The following NDUFAF1 variants were observed in gnomAD, a reference collection of about 807,000 sequenced individuals.
NDUFAF1 encodes the protein NADH:ubiquinone oxidoreductase complex assembly factor 1, also known as complex I intermediate-associated protein 30, mitochondrial.
Under a neutral mutation model 28.7 loss-of-function variants are expected in NDUFAF1, and 18 were observed. The observed-to-expected ratio is 0.63, with a 90% CI of 0.43 to 0.93. The LOEUF (loss-of-function observed/expected upper bound fraction) is 0.93. Ranked by LOEUF, NDUFAF1 falls within the 40% of genes least tolerant of loss-of-function variation. NDUFAF1 has a pLI of 0.00. For missense variants in NDUFAF1, 404 were observed against 398.3 expected, an observed-to-expected ratio of 1.01 and a Z score of -0.12; for synonymous variants, 113 against 139.7, an observed-to-expected ratio of 0.81 and a Z score of 1.35.
chr15:41,401,942 T>G (rs1334941201), intron 1 of NDUFAF1, among the ~76,000 whole-genome samples: 1 of 152,186 alleles, frequency 6.6e-6, no homozygotes, highest in Non-Finnish European at 1.5e-5. Context: ...CATAAAATGT[T>G]TTCCAAACCC....
rs749718737 is a variant in NDUFAF1, at chr15:41,388,468, G to A, written c.814C>T (p.His272Tyr). 3.7e-6 allele frequency: 6 copies of A among 1,612,582 alleles called. No homozygotes were observed. The highest frequency in any genetic ancestry group is 4.2e-6 in the Non-Finnish European group (5 of 1,178,732). ...SNRGRIRDVQ[H>Y]ELPLDKISSI... ...GTTACCTTATCAAGCGGAAGCTCAT[G>A]CTGAACATCCCGGATTCTTCCTCGA... Residue 272 changes from histidine (H) to tyrosine (Y), a missense_variant, in exon 4 of 5, where the codon CAT becomes TAT. Coordinates refer to ENST00000260361, the MANE Select transcript of NDUFAF1 (RefSeq NM_016013.4).
At chr15:41,400,688 A>ATTTTTTTTTT (rs58010983) in intron 1 of NDUFAF1, among the ~76,000 whole-genome samples, 4 of 97,822 alleles carry the variant, frequency 4.1e-5, no homozygotes, top group African/African-American at 4.3e-5. Context: ...ATGCCCAGCT[A>ATTTTTTTTTT]TTTTTTTTTT....
intron 3 of NDUFAF1, among the ~76,000 whole-genome samples, chr15:41,393,096 A>G (rs2050334216): frequency 6.7e-6 from 1 of 150,300 alleles, no homozygotes; most frequent in Admixed American, 6.6e-5. Context: ...ATATGACATG[A>G]GCAAAATGGG....
chr15:41,393,996 A>T (rs866954790), intron 3 of NDUFAF1: 1 of 275,468 alleles, frequency 3.6e-6, no homozygotes, highest in South Asian at 3.1e-5. Flanking sequence ...GACATGAGCC[A>T]CCACGCCTGG....
chr15:41,401,473 C>T (rs1158341235), intron 1 of NDUFAF1, among the ~76,000 whole-genome samples: 8 of 150,948 alleles, frequency 5.3e-5, no homozygotes, highest in African/African-American at 1.9e-4. Context: ...CCAGCTCTGT[C>T]CCCCAAGTTG....
intron 4 of NDUFAF1, 36 bp downstream of exon 4, chr15:41,388,412 A>G (rs1236245401): frequency 6.8e-7 from 1 of 1,478,348 alleles, no homozygotes; most frequent in South Asian, 1.1e-5. Context: ...ATTAAAAATG[A>G]TACAGTTCTG....
At chr15:41,396,423 G>T in intron 2 of NDUFAF1, 64 bp downstream of exon 2, 1 of 1,495,060 alleles carries the variant, frequency 6.7e-7, no homozygotes, top group Non-Finnish European at 9.3e-7. Context: ...ATCTTCTATA[G>T]TTTATGCTAC....
rs532756788 is a variant in NDUFAF1, at chr15:41,392,262, C to G, written c.759+2597G>C. On this transcript the variant is annotated intron_variant, in intron 3 of 4. Transcript: ENST00000260361. ...TAATTTTTTGTATTTTTAGTAGACA[C>G]AAGATTTCACCATGTAGACCAGGCT... Among the ~76,000 whole-genome samples the G allele has an allele frequency of 2.5e-4, 38 of 152,016 alleles. No individual in the cohort carries two copies. In the East Asian group the frequency reaches 7.4e-3, roughly 29 times the overall value.
In NDUFAF1 at chr15:41,397,056, C is replaced by T; in HGVS notation, c.4G>A (p.Ala2Thr). Residue 2 changes from alanine to threonine, a missense_variant, in exon 2 of 5, where the codon GCT (alanine) becomes ACT (threonine). Coordinates refer to ENST00000260361, the MANE Select transcript of NDUFAF1 (RefSeq NM_016013.4). ...CCACGCAGCAATTTGTGAACCAAAG[C>T]CATGGTACAAAAAAATCAAAATGTA... is the stretch of plus-strand genomic sequence containing the variant. M[A>T]LVHKLLRGTY... The T allele has an allele frequency of 1.2e-6, 2 of 1,613,004 alleles. No individual in the cohort carries two copies. Among genetic ancestry groups the T allele is most frequent in the Non-Finnish European group, 8.5e-7 (1 of 1,179,798 alleles).
At chr15:41,397,571 G>A (rs563792995) in intron 1 of NDUFAF1, among the ~76,000 whole-genome samples, 73 of 152,182 alleles carry the variant, frequency 4.8e-4, no homozygotes, top group African/African-American at 1.5e-3. Context: ...AGGCCGAGGC[G>A]GGTGGATCAC....
At chr15:41,395,129 A>G (rs566514074) in intron 2 of NDUFAF1, 85 bp from the exon 3 acceptor site, 1 of 1,259,544 alleles carries the variant, frequency 7.9e-7, no homozygotes, top group South Asian at 1.3e-5. Flanking sequence ...CATCATCAAC[A>G]GGATGCACTA....
intron 3 of NDUFAF1, among the ~76,000 whole-genome samples, chr15:41,389,714 A>T (rs2050294783): frequency 6.6e-6 from 1 of 152,138 alleles, no homozygotes; most frequent in Non-Finnish European, 1.5e-5. Context: ...TTGGGGCTAC[A>T]GCGAGCCCAT....
rs376344575 is a variant in NDUFAF1, at chr15:41,394,885, C to G, written c.733G>C (p.Gly245Arg). 1.2e-6 allele frequency: 2 copies of G among 1,613,868 alleles called. No individual in the cohort carries two copies. The highest frequency in any genetic ancestry group is 1.3e-5 in the African/African-American group (1 of 74,850). The change falls in exon 3 of 5, where the codon GGG (glycine) becomes CGG (arginine). Residue 245 changes from glycine to arginine, a missense_variant. Physicochemically the swap from Gly to Arg is moderately radical, Grantham distance 125 (BLOSUM62 -2). Transcript: ENST00000260361. ...TTGACCTCCTGCCAGTAGGGTCCCC[C>G]GCGGGTGAACATGAAGTAACTATAC... Reference protein sequence around the residue: ...QMYSYFMFTRGGPYWQEVKIP... With the variant: ...QMYSYFMFTRRGPYWQEVKIP...
intron 3 of NDUFAF1, among the ~76,000 whole-genome samples, chr15:41,391,836 G>GA (rs1213821146): frequency 6.6e-6 from 1 of 152,028 alleles, no homozygotes; most frequent in Non-Finnish European, 1.5e-5. Flanking sequence ...TGAATGACAG[G>GA]AAAGAGAAAG....
intron 3 of NDUFAF1, among the ~76,000 whole-genome samples, chr15:41,393,086 A>AC (rs1444723578): frequency 6.6e-6 from 1 of 151,048 alleles, no homozygotes; most frequent in African/African-American, 2.4e-5. Flanking sequence ...ACCCTCAAGT[A>AC]TATGACATGA....
upstream of NDUFAF1, among the ~76,000 whole-genome samples, chr15:41,402,929 A>C (rs976345099): frequency 2.6e-5 from 4 of 151,038 alleles, no homozygotes; most frequent in Non-Finnish European, 5.9e-5. Context: ...ACGGGGTTTC[A>C]CCATGTTAGC....
chr15:41,395,059 G>A lies in NDUFAF1; in HGVS notation c.574-15C>T, dbSNP rs1229659487. On this transcript the variant is annotated splice_polypyrimidine_tract_variant and intron_variant, in intron 2 of 4. Transcript: ENST00000260361. ...TCAAAAGCACCCTAAGATATTGAAA[G>A]TAAAGTTCATTGTACCTCATTCTCC... is the stretch of plus-strand genomic sequence containing the variant. The A allele has an allele frequency of 1.2e-6, 2 of 1,612,092 alleles. No homozygotes were observed. Among genetic ancestry groups the A allele is most frequent in the African/African-American group, 1.3e-5 (1 of 75,008 alleles).
intron 1 of NDUFAF1, among the ~76,000 whole-genome samples, chr15:41,398,460 G>C (rs537186545): frequency 6.7e-6 from 1 of 148,964 alleles, no homozygotes; most frequent in East Asian, 2.0e-4. Flanking sequence ...CTCCAGCCTG[G>C]ACAAGAGCAA....
intron 4 of NDUFAF1, 97 bp from the exon 5 acceptor site, chr15:41,387,690 G>C: frequency 2.0e-6 from 2 of 999,498 alleles, no homozygotes; most frequent in Non-Finnish European, 3.1e-6. Flanking sequence ...GATTATAACT[G>C]GGTTTTAATG....
Sources: gnomAD v4.1 joint callset for allele counts (sites outside exome capture counted in the v4.1 genomes callset) on GRCh38, gnomAD v4.1.1 for gene constraint, MANE v1.5 for transcripts, NCBI Gene and HGNC (gene_info 2026-07-23, HGNC 2026-07-21) for gene names.